MAP2: variants seen among roughly 807,000 people sequenced by gnomAD.
MAP2 encodes microtubule associated protein 2, also known as microtubule-associated protein 2.
Under a neutral mutation model 137.6 loss-of-function variants are expected in MAP2, and 14 were observed. The ratio of observed to expected loss-of-function variants is 0.10; its 90% CI spans 0.07 to 0.16. The LOEUF (loss-of-function observed/expected upper bound fraction) is 0.16. Among genes scored for constraint, MAP2 ranks in the 10% least tolerant of loss-of-function variants. The probability of loss-of-function intolerance (pLI) is 1.00; values close to 1 mark genes in which losing one functional copy is unlikely to be tolerated. For synonymous variants in MAP2, 786 were observed against 782.3 expected, an observed-to-expected ratio of 1.00 and a Z score of -0.08; for missense variants, 2,088 against 2,191.5, an observed-to-expected ratio of 0.95 and a Z score of 0.94.
chr2:209,599,709 A>G (rs2082414736), intron 3 of MAP2, among the ~76,000 whole-genome samples: 1 of 151,998 alleles, frequency 6.6e-6, no homozygotes, highest in Non-Finnish European at 1.5e-5. Flanking sequence ...CCTTTTTTGC[A>G]AGCAGAATGT....
intron 1 of MAP2, among the ~76,000 whole-genome samples, chr2:209,467,674 A>G (rs991199317): frequency 3.3e-5 from 5 of 152,192 alleles, no homozygotes; most frequent in African/African-American, 7.2e-5. Flanking sequence ...TGGAGTAAGA[A>G]TTATTTACTC....
rs139654422 is a variant in MAP2 at position 209,695,448 on chromosome 2, G to T, written c.3278G>T (p.Gly1093Val). 1.9e-4 allele frequency: 306 copies of T among 1,613,910 alleles called. No individual in the cohort carries two copies. The highest frequency in any genetic ancestry group is 2.2e-4 in the Non-Finnish European group (254 of 1,179,992). The change falls in exon 8 of 16, where the codon GGT becomes GTT. Residue 1093 changes from glycine (G) to valine (V), a missense_variant. Physicochemically the swap from Gly to Val is moderately radical, Grantham distance 109. This residue lies in a region of MAP2 where 500 missense variants were observed against 482.9 expected (regional missense o/e 1.04). Coordinates refer to ENST00000682079, the MANE Select transcript of MAP2 (RefSeq NM_001375505.1). ...KAPQEADAFM[G>V]VESGHMKEGT... ...CCGCAGGAGGCAGATGCATTTATGG[G>T]TGTTGAGTCTGGCCACATGAAAGAA...
intron 2 of MAP2, among the ~76,000 whole-genome samples, chr2:209,516,279 TAAAG>T (rs56713417): frequency 0.22 from 33,865 of 151,848 alleles, 5,018 homozygotes; most frequent in African/African-American, 0.42. Flanking sequence ...TTCAGAATGA[TAAAG>T]AGAGTGGGCT....
intron 4 of MAP2, among the ~76,000 whole-genome samples, chr2:209,629,934 G>T (rs1362539177): frequency 6.6e-6 from 1 of 152,188 alleles, no homozygotes; most frequent in Non-Finnish European, 1.5e-5. Context: ...TGTAGGCAGA[G>T]GTGGGCACCA....
chr2:209,660,700 C>CT, intron 5 of MAP2, among the ~76,000 whole-genome samples: 1 of 120,122 alleles, frequency 8.3e-6, no homozygotes, highest in Non-Finnish European at 1.7e-5. Flanking sequence ...CGGCCTGCTG[C>CT]AATTATTATT....
chr2:209,642,083 A>G (rs749187545), intron 4 of MAP2, among the ~76,000 whole-genome samples: 6 of 152,164 alleles, frequency 3.9e-5, no homozygotes, highest in Non-Finnish European at 8.8e-5. Flanking sequence ...AATTGTATCT[A>G]TTCTTGGTTT....
intron 2 of MAP2, among the ~76,000 whole-genome samples, chr2:209,548,891 C>G: frequency 6.6e-6 from 1 of 152,142 alleles, no homozygotes. Context: ...GCCTCCCCAG[C>G]CATGCAGAAC....
chr2:209,508,800 TTAAG>T (rs1310979990), intron 2 of MAP2, among the ~76,000 whole-genome samples: 1 of 152,068 alleles, frequency 6.6e-6, no homozygotes, highest in East Asian at 1.9e-4. Context: ...TATTATTTTA[TTAAG>T]TGTTTTTATA....
chr2:209,496,949 T>TA (rs34325206), intron 1 of MAP2, among the ~76,000 whole-genome samples: 3,389 of 150,108 alleles, frequency 0.023, 45 homozygotes, highest in Non-Finnish European at 0.034. Context: ...CTGGCTAATT[T>TA]AAAAAAAAAA....
chr2:209,677,340 A>G (rs187926932), intron 5 of MAP2, among the ~76,000 whole-genome samples: 3 of 151,968 alleles, frequency 2.0e-5, no homozygotes, highest in Non-Finnish European at 4.4e-5. Flanking sequence ...TCTATGAGAT[A>G]TATAGGTAGG....
chr2:209,675,592 A>G (rs576720984), intron 5 of MAP2, among the ~76,000 whole-genome samples: 11 of 152,024 alleles, frequency 7.2e-5, no homozygotes, highest in African/African-American at 2.6e-4. Context: ...CTACACTTGT[A>G]TGAATACATC....
At chr2:209,446,985 C>G (rs1257818679) in intron 1 of MAP2, among the ~76,000 whole-genome samples, 4 of 151,902 alleles carry the variant, frequency 2.6e-5, no homozygotes, top group African/African-American at 9.7e-5. Context: ...TCAAGATTAC[C>G]TAGGACCTCT....
chr2:209,538,829 T>G (rs2066421026), intron 2 of MAP2, among the ~76,000 whole-genome samples: 1 of 152,160 alleles, frequency 6.6e-6, no homozygotes, highest in Non-Finnish European at 1.5e-5. Flanking sequence ...ATGAGAAGGA[T>G]GTGAATTAAT....
intron 7 of MAP2, chr2:209,690,457 T>G: frequency 2.2e-6 from 1 of 463,958 alleles, no homozygotes; most frequent in Non-Finnish European, 3.5e-6. Context: ...GAATATTAAT[T>G]TGTTCATCCC....
intron 5 of MAP2, among the ~76,000 whole-genome samples, chr2:209,658,103 G>A (rs2041770280): frequency 6.6e-6 from 1 of 152,154 alleles, no homozygotes. Flanking sequence ...CAGGGTTGGG[G>A]CCCAAACTCG....
At chr2:209,575,479 CCACTG>C (rs1004707422) in intron 2 of MAP2, among the ~76,000 whole-genome samples, 1 of 138,298 alleles carries the variant, frequency 7.2e-6, no homozygotes, top group Non-Finnish European at 1.5e-5. Context: ...CGAGATCGCG[CCACTG>C]CACTCCAGCC....
chr2:209,495,212 C>A (rs965058713), intron 1 of MAP2, among the ~76,000 whole-genome samples: 5 of 152,226 alleles, frequency 3.3e-5, no homozygotes, highest in Admixed American at 6.5e-5. Context: ...AAACTCCCAT[C>A]TCCCGGCGAC....
At chr2:209,562,650 T>C (rs1348841474) in intron 2 of MAP2, among the ~76,000 whole-genome samples, 1 of 151,836 alleles carries the variant, frequency 6.6e-6, no homozygotes, top group Non-Finnish European at 1.5e-5. Flanking sequence ...TGAGCCAAGA[T>C]TGCGCCACCA....
At position 209,709,971 on chromosome 2, in the gene MAP2, G is replaced by T. The variant is rs1228014934; in HGVS notation, c.4790G>T (p.Gly1597Val). Residue 1597 changes from glycine (G) to valine (V), a missense_variant, in exon 13 of 16, where the codon GGG becomes GTG. By Grantham distance (109) the Gly-to-Val change is moderately radical. Coordinates refer to ENST00000682079, the MANE Select transcript of MAP2 (RefSeq NM_001375505.1). ...KSGTSTPTTP[G>V]STAITPGTPP... ...GGTACCTCAACACCCACTACCCCTG[G>T]GTCTACTGCCATCACTCCTGGCACC... 2 of 1,613,724 alleles carry T rather than the reference G, an allele frequency of 1.2e-6. No individual in the cohort carries two copies. The highest frequency in any genetic ancestry group is 4.5e-5 in the East Asian group (2 of 44,876).
Sources: gnomAD v4.1 joint callset for allele counts (sites outside exome capture counted in the v4.1 genomes callset) on GRCh38, gnomAD v4.1.1 for gene constraint, gnomAD v4.1.1 regional missense constraint, MANE v1.5 for transcripts, NCBI Gene and HGNC (gene_info 2026-07-23, HGNC 2026-07-21) for gene names.